Variants in PIWIL3 observed in about 807,000 individuals in gnomAD.
PIWIL3 encodes the protein piwi-like protein 3.
PIWIL3 carries 101 observed loss-of-function variants against 109.7 expected under a neutral mutation model. The ratio of observed to expected loss-of-function variants is 0.92; its 90% confidence interval spans 0.78 to 1.09. PIWIL3 has a LOEUF of 1.09. Ranked by LOEUF, PIWIL3 falls within the 50% of genes least tolerant of loss-of-function variation. The probability of loss-of-function intolerance (pLI) is 0.00; values close to 1 mark genes in which losing one functional copy is unlikely to be tolerated. For missense variants in PIWIL3, 1,031 were observed against 1,072.6 expected (o/e 0.96, Z 0.54); for synonymous variants, 373 against 376.4 (o/e 0.99, Z 0.10).
rs1923086798 is a variant in PIWIL3, at chr22:24,727,858, C to A, written c.2009+92G>T. The A allele has an allele frequency of 3.9e-6, 4 of 1,022,768 alleles. No individual in the cohort carries two copies. In the East Asian group the frequency reaches 1.0e-4, roughly 25 times the overall value. The allele number at this position is 1,022,768 out of a possible 1,614,324, so 63.4% of individuals were successfully genotyped here. ...AATAACTCATCTGTCAAATTCCCAA[C>A]CTCTTGAGTTAACACATATTAATTA... On this transcript the variant is annotated intron_variant, in intron 16 of 20. Coordinates refer to ENST00000616349, the MANE Select transcript of PIWIL3 (RefSeq NM_001255975.1).
At chr22:24,737,183 CTTCT>C (rs1923706642) in intron 12 of PIWIL3, among the ~76,000 whole-genome samples, 1 of 152,196 alleles carries the variant, frequency 6.6e-6, no homozygotes, top group South Asian at 2.1e-4. Context: ...AAAGAGAGCC[CTTCT>C]TTCTGCTTCA....
chr22:24,754,892 G>T, intron 6 of PIWIL3, 28 bp from the exon 7 acceptor site: 2 of 1,573,072 alleles, frequency 1.3e-6, no homozygotes, highest in Non-Finnish European at 1.7e-6. Context: ...AGATTTTGTT[G>T]AAAGTACAGG....
intron 12 of PIWIL3, among the ~76,000 whole-genome samples, chr22:24,736,986 G>A (rs75245631): frequency 0.018 from 2,729 of 152,266 alleles, 85 homozygotes; most frequent in African/African-American, 0.063. Flanking sequence ...AAGTGAACCT[G>A]AGAAACAGTT....
At position 24,748,781 on chromosome 22, in the gene PIWIL3, T is replaced by C. The variant is rs1049732954; in HGVS notation, c.1449+126A>G. 158 of 689,066 alleles carry C rather than the reference T, an allele frequency of 2.3e-4. 1 individual carries two copies. In the Middle Eastern group the frequency reaches 3.2e-3, roughly 14 times the overall value. The allele number at this position is 689,066 out of a possible 1,614,324, so 42.7% of individuals were successfully genotyped here. A position where few individuals can be genotyped will look rare whatever the true frequency, so the allele number is the denominator to read the frequency against. On this transcript the variant is annotated intron_variant, in intron 12 of 20. Transcript: ENST00000616349. ...CTTAGTGTTTCTTATTGGCTCAATATAGAAAGAATGAGCAGTCTGAAAAAA... is the reference window on the plus strand; with the variant it reads ...CTTAGTGTTTCTTATTGGCTCAATACAGAAAGAATGAGCAGTCTGAAAAAA...
At position 24,722,718 on chromosome 22, in the gene PIWIL3, AATAG is replaced by A. The variant is rs367905182; in HGVS notation, c.2357+408_2357+411del. On this transcript the variant is annotated intron_variant, in intron 19 of 20. Coordinates refer to ENST00000616349, the MANE Select transcript of PIWIL3 (RefSeq NM_001255975.1). ...TGGGCAACAGAGCAAGACTCCATCAAATAGATAGATAGATACCTACCTACCTCTC... is the reference window on the plus strand; with the variant it reads ...TGGGCAACAGAGCAAGACTCCATCAAATAGATAGATACCTACCTACCTCTC... 2.2e-4 allele frequency among the ~76,000 whole-genome samples: 34 copies of A among 152,176 alleles called. No homozygotes were observed. The East Asian group carries it at 4.7e-3, about 21-fold the overall frequency.
chr22:24,728,205 C>T lies in PIWIL3; in HGVS notation c.1877G>A (p.Gly626Glu). The T allele has an allele frequency of 6.2e-7, 1 of 1,614,220 alleles. No homozygotes were observed. The highest frequency in any genetic ancestry group is 8.5e-7 in the Non-Finnish European group (1 of 1,180,036). ...TGTCTCCACCTTCCAGAGGGCTCCTCCCATCTTGCAATTCATCTGCTGGGC... is the reference window on the plus strand; with the variant it reads ...TGTCTCCACCTTCCAGAGGGCTCCTTCCATCTTGCAATTCATCTGCTGGGC... ...KIAQQMNCKM[G>E]GALWKVETDV... is the part of the protein sequence containing the mutation. Residue 626 changes from glycine to glutamate, a missense_variant, in exon 15 of 21, where the codon GGA becomes GAA. Physicochemically the swap from Gly to Glu is moderately conservative, Grantham distance 98. Coordinates refer to ENST00000616349, the MANE Select transcript of PIWIL3 (RefSeq NM_001255975.1).
chr22:24,752,076 T>C lies in PIWIL3; in HGVS notation c.978-578A>G, dbSNP rs377204635. ...AATAAATATGTTCTCATTTCTCTTG[T>C]GTATTTAAGTAGGAGTAAAATTTCT... On this transcript the variant is annotated intron_variant, in intron 8 of 20. Transcript: ENST00000616349. 6.6e-4 allele frequency among the ~76,000 whole-genome samples: 100 copies of C among 152,278 alleles called. 1 individual carries two copies. The highest frequency in any genetic ancestry group is 2.2e-3 in the African/African-American group (91 of 41,558).
Position 24,762,486 on chromosome 22 carries a change from G to T in PIWIL3, c.14C>A (p.Ala5Glu). 6.2e-7 allele frequency: 1 copy of T among 1,612,970 alleles called. No individual in the cohort carries two copies. Residue 5 changes from alanine (A) to glutamate (E), a missense_variant, in exon 2 of 21, where the codon GCA (alanine) becomes GAA (glutamate). Coordinates refer to ENST00000616349, the MANE Select transcript of PIWIL3 (RefSeq NM_001255975.1). ...GGCTCTGCCTCGGGCGCGAGTCCTT[G>T]CCCTACCAGGCATTGTGGTCCTGAA... MPGR[A>E]RTRARGRARR... is the part of the protein sequence containing the mutation.
intron 12 of PIWIL3, among the ~76,000 whole-genome samples, chr22:24,739,554 G>A (rs540706707): frequency 6.6e-6 from 1 of 150,512 alleles, no homozygotes; most frequent in East Asian, 1.9e-4. Context: ...AAGTGCTGTA[G>A]GAAAAAAAAA....
Position 24,735,732 on chromosome 22 carries a change from C to G in PIWIL3, c.1610G>C (p.Gly537Ala). The stretch of plus-strand genomic sequence containing the variant: ...CATTTCTGCTGGTTTCATAGTTATG[C>G]CCATGGGGGCTGTGACACTCTGTAG... ...GHLQSVTAPM[G>A]ITMKPAEMIE... The change falls in exon 13 of 21, where the codon GGC becomes GCC. Residue 537 changes from glycine to alanine, a missense_variant. Gly to Ala is a moderately conservative substitution (Grantham distance 60). Coordinates refer to ENST00000616349, the MANE Select transcript of PIWIL3 (RefSeq NM_001255975.1). 1 of 1,605,066 alleles carries G rather than the reference C, an allele frequency of 6.2e-7. No individual in the cohort carries two copies. Among genetic ancestry groups the G allele is most frequent in the South Asian group, 1.1e-5 (1 of 88,500 alleles).
At chr22:24,767,049 G>A (rs996428961) in intron 1 of PIWIL3, among the ~76,000 whole-genome samples, 2 of 151,996 alleles carry the variant, frequency 1.3e-5, no homozygotes, top group Admixed American at 6.6e-5. Flanking sequence ...AGGAGGACAG[G>A]AGGATCGCTT....
Position 24,761,940 on chromosome 22 carries a change from C to A in PIWIL3, c.102+458G>T, listed in dbSNP as rs941721704. The A allele has an allele frequency of 4.1e-6, 4 of 986,024 alleles. No individual in the cohort carries two copies. The African/African-American group carries it at 5.2e-5, about 13-fold the overall frequency. 61.1% of individuals were successfully genotyped at this position (986,024 alleles called of 1,614,324 possible). ...TCCCCCTGGAGGTTGTCAGATGGGG[C>A]CCCGCAGCGCCACTATGGATCCTGC... On this transcript the variant is annotated intron_variant, in intron 2 of 20. Transcript: ENST00000616349.
chr22:24,757,079 C>CAAAAAAAAAAAAAAAAAAAAAAAAAAA (rs71189275), intron 4 of PIWIL3, among the ~76,000 whole-genome samples: 9 of 91,726 alleles, frequency 9.8e-5, no homozygotes, highest in Admixed American at 2.7e-4. Flanking sequence ...AACTCCGTCT[C>CAAAAAAAAAAAAAAAAAAAAAAAAAAA]AAAAAAAAAA....
At chr22:24,761,983 G>A (rs552490745) in intron 2 of PIWIL3, 1 of 992,188 alleles carries the variant, frequency 1.0e-6, no homozygotes, top group East Asian at 1.1e-4. Context: ...ATGTAAAGTG[G>A]ATATGCAGTA....
chr22:24,720,208 T>C (rs933064587), intron 19 of PIWIL3, among the ~76,000 whole-genome samples: 3 of 151,724 alleles, frequency 2.0e-5, no homozygotes, highest in Non-Finnish European at 2.9e-5. Context: ...TCGGAGATTC[T>C]TGGATGAAGG....
intron 19 of PIWIL3, among the ~76,000 whole-genome samples, chr22:24,720,765 C>T (rs977113544): frequency 6.6e-6 from 1 of 151,914 alleles, no homozygotes; most frequent in Non-Finnish European, 1.5e-5. Context: ...TTCATTTCTC[C>T]TCAACTCTTG....
intron 1 of PIWIL3, among the ~76,000 whole-genome samples, chr22:24,765,169 T>C (rs1354200390): frequency 6.6e-6 from 1 of 152,224 alleles, no homozygotes; most frequent in Non-Finnish European, 1.5e-5. Context: ...GCAAATTCAC[T>C]GTTTCACTGA....
rs61740100 is a variant in PIWIL3, at chr22:24,719,832, G to A, written c.2421C>T (p.Asn807=). 1.3e-3 allele frequency: 2,057 copies of A among 1,610,504 alleles called. 10 individuals are homozygous for A. In the African/African-American group the frequency reaches 0.013, roughly 10 times the overall value. ...QDGTVTPTHY[N]VIYDTIGLSP... ...TCAAGCCAATCGTGTCATAGATGACGTTATAATGAGTGGGGGTAACAGTCC... is the reference window on the plus strand; with the variant it reads ...TCAAGCCAATCGTGTCATAGATGACATTATAATGAGTGGGGGTAACAGTCC... Residue 807 remains asparagine (N), a synonymous_variant, in exon 20 of 21, where the codon AAC becomes AAT. Transcript: ENST00000616349.
chr22:24,755,686 A>G, intron 6 of PIWIL3, 98 bp downstream of exon 6: 1 of 1,472,386 alleles, frequency 6.8e-7, no homozygotes, highest in Non-Finnish European at 9.4e-7. Context: ...GAGGACTAGG[A>G]AGAACACTAA....
Sources: gnomAD v4.1 joint callset for allele counts (sites outside exome capture counted in the v4.1 genomes callset) on GRCh38, gnomAD v4.1.1 for gene constraint, MANE v1.5 for transcripts, NCBI Gene and HGNC (gene_info 2026-07-23, HGNC 2026-07-21) for gene names.